Variants in PISD observed in about 807,000 individuals in gnomAD.
The protein encoded by PISD is phosphatidylserine decarboxylase, also known as phosphatidylserine decarboxylase proenzyme, mitochondrial.
PISD carries 31 observed loss-of-function variants against 43.5 expected under a neutral mutation model. The observed-to-expected ratio is 0.71, with a 90% CI of 0.54 to 0.96. The LOEUF is 0.96. Among genes scored for constraint, PISD ranks in the 40% least tolerant of loss-of-function variants. PISD has a pLI of 0.00. For synonymous variants in PISD, 259 were observed against 228.7 expected, an observed-to-expected ratio of 1.13 and a Z score of -1.20; for missense variants, 523 against 548.4, an observed-to-expected ratio of 0.95 and a Z score of 0.46.
chr22:31,636,008 A>G (rs976209277), intron 3 of PISD, among the ~76,000 whole-genome samples: 17 of 152,252 alleles, frequency 1.1e-4, no homozygotes, highest in Non-Finnish European at 2.5e-4. Context: ...GAGGGCATGA[A>G]TGGCCCTATT....
chr22:31,632,469 G>GA (rs1165600116), intron 3 of PISD, among the ~76,000 whole-genome samples: 1 of 152,000 alleles, frequency 6.6e-6, no homozygotes, highest in Non-Finnish European at 1.5e-5. Flanking sequence ...ACACTGATGA[G>GA]AAAAAAAATC....
At chr22:31,626,661 T>C (rs1477887602) in intron 3 of PISD, among the ~76,000 whole-genome samples, 22 of 152,170 alleles carry the variant, frequency 1.4e-4, no homozygotes, top group Admixed American at 1.4e-3. Flanking sequence ...CTCCCCTTTT[T>C]CCATCGTTGC....
At position 31,662,149 on chromosome 22, in the gene PISD, C is replaced by T; in HGVS notation, c.60G>A (p.Arg20=). ...LGLLHGVAPW[R]SSLHPCEITA... ...GTCTCTCCGCGCTGCTATACCTGCT[C>T]CGCCACGGCGCGACCCCGTGCAGTA... The change falls in exon 1 of 8, where the codon CGG becomes CGA. Residue 20 remains arginine, a synonymous_variant. Coordinates refer to ENST00000439502, the MANE Select transcript of PISD (RefSeq NM_001326411.2). The T allele has an allele frequency of 6.2e-7, 1 of 1,607,598 alleles. No individual in the cohort carries two copies. The highest frequency in any genetic ancestry group is 8.5e-7 in the Non-Finnish European group (1 of 1,179,744).
chr22:31,621,061 G>A lies in PISD; in HGVS notation c.779C>T (p.Pro260Leu). Residue 260 changes from proline to leucine, a missense_variant, in exon 6 of 8, where the codon CCT becomes CTT. Coordinates refer to ENST00000439502, the MANE Select transcript of PISD (RefSeq NM_001326411.2). The part of the protein sequence containing the change: ...ELYHCVIYLA[P>L]GDYHCFHSPT... ...GGAGTGGAAGCAGTGGTAGTCCCCA[G>A]GGGCCAGGTAGATGACACAGTGATA... 1 of 1,614,082 alleles carries A rather than the reference G, an allele frequency of 6.2e-7. No homozygotes were observed. Among genetic ancestry groups the A allele is most frequent in the East Asian group, 2.2e-5 (1 of 44,882 alleles).
chr22:31,644,242 C>CGT (rs2073819285), intron 3 of PISD, among the ~76,000 whole-genome samples: 1 of 139,170 alleles, frequency 7.2e-6, no homozygotes. Context: ...ATAATTTTTT[C>CGT]TTTTTTTTTT....
Position 31,646,809 on chromosome 22 carries a change from T to C in PISD, c.321+1292A>G, listed in dbSNP as rs540770049. ...AACAGAGGGCAGCATACTTTGAAAG[T>C]GTGACTCACCTACTACATAATTACC... On this transcript the variant is annotated intron_variant, in intron 3 of 7. Coordinates refer to ENST00000439502, the MANE Select transcript of PISD (RefSeq NM_001326411.2). 1.6e-3 allele frequency among the ~76,000 whole-genome samples: 251 copies of C among 152,328 alleles called. 12 individuals carry two copies. In the South Asian group the frequency reaches 0.049, roughly 30 times the overall value.
At chr22:31,641,545 G>A (rs954235554) in intron 3 of PISD, among the ~76,000 whole-genome samples, 4 of 152,158 alleles carry the variant, frequency 2.6e-5, no homozygotes, top group South Asian at 2.1e-4. Flanking sequence ...GGCCAGGTGC[G>A]GTGGCTCACA....
At chr22:31,643,219 CCT>C (rs982603393) in intron 3 of PISD, among the ~76,000 whole-genome samples, 20 of 152,096 alleles carry the variant, frequency 1.3e-4, no homozygotes, top group African/African-American at 4.8e-4. Flanking sequence ...CATCATGTCC[CCT>C]GTTTTCCAAC....
chr22:31,623,663 CAG>C, intron 3 of PISD: 1 of 1,605,484 alleles, frequency 6.2e-7, no homozygotes, highest in Non-Finnish European at 8.5e-7. Context: ...GTCCGAGCCA[CAG>C]GGGCCTGTGC....
chr22:31,619,240 C>T lies in PISD; in HGVS notation c.*372G>A, dbSNP rs562235098. The T allele has an allele frequency of 7.1e-5, 24 of 339,216 alleles. No individual in the cohort carries two copies. The highest frequency in any genetic ancestry group is 4.7e-4 in the South Asian group (20 of 42,784). 21.0% of individuals were successfully genotyped at this position (339,216 alleles called of 1,614,324 possible). On this transcript the variant is annotated 3_prime_UTR_variant, in exon 8 of 8. Transcript: ENST00000439502. ...CAAAAGGGGCCAACAGAAAACAGCT[C>T]AGGTGATGGGGGGAGGAGCAGCAAG...
chr22:31,639,006 TC>T (rs1004643221), intron 3 of PISD, among the ~76,000 whole-genome samples: 6 of 151,112 alleles, frequency 4.0e-5, no homozygotes, highest in African/African-American at 1.5e-4. Context: ...TTCCTTTTTT[TC>T]CCCCTGAGAC....
At chr22:31,647,022 C>T (rs907001639) in intron 3 of PISD, among the ~76,000 whole-genome samples, 2 of 151,900 alleles carry the variant, frequency 1.3e-5, no homozygotes, top group Non-Finnish European at 1.5e-5. Context: ...GACTAAGTCA[C>T]GGTTTTACAG....
chr22:31,625,823 C>CG (rs1569483115), intron 3 of PISD: 1 of 1,598,098 alleles, frequency 6.3e-7, no homozygotes, highest in East Asian at 2.3e-5. Context: ...CATGGGCCGG[C>CG]GCAGGGAGGG....
At chr22:31,624,864 C>T (rs971558838) in intron 3 of PISD, among the ~76,000 whole-genome samples, 5 of 152,162 alleles carry the variant, frequency 3.3e-5, no homozygotes, top group African/African-American at 1.2e-4. Context: ...TTCACCAGAG[C>T]CGCAGAGGCT....
rs2073175450 is a variant in PISD, at chr22:31,630,869, G to C, written c.322-8984C>G. On this transcript the variant is annotated intron_variant, in intron 3 of 7. Transcript: ENST00000439502. The surrounding 1 kb of genome is among the most constrained non-coding windows in gnomAD (Gnocchi z 4.4). Reference sequence around the variant, plus strand: ...GCGCTCCCGGAGCCGGGAAGCCTTGGGGCGAGTGGGCGGGGCTCGGGCTCC... The same window carrying C: ...GCGCTCCCGGAGCCGGGAAGCCTTGCGGCGAGTGGGCGGGGCTCGGGCTCC... 4 of 985,448 alleles carry C rather than the reference G, an allele frequency of 4.1e-6. No homozygotes were observed. The South Asian group carries it at 1.9e-4, about 46-fold the overall frequency. The allele number at this position is 985,448 out of a possible 1,614,324, so 61.0% of individuals were successfully genotyped here. A position where few individuals can be genotyped will look rare whatever the true frequency, so the allele number is the denominator to read the frequency against.
At chr22:31,640,880 G>GTTGTTT (rs1487978537) in intron 3 of PISD, among the ~76,000 whole-genome samples, 1 of 24,596 alleles carries the variant, frequency 4.1e-5, no homozygotes. Context: ...CACACCCGGT[G>GTTGTTT]TTTTTTTTTT....
At chr22:31,629,427 T>C (rs1371549204) in intron 3 of PISD, 1 of 151,390 alleles carries the variant, frequency 6.6e-6, no homozygotes, top group African/African-American at 2.5e-5. Context: ...TGTGAGGTTA[T>C]GTGCCTGGAG....
chr22:31,623,554 C>A, intron 3 of PISD: 1 of 958,558 alleles, frequency 1.0e-6, no homozygotes, highest in Non-Finnish European at 1.5e-6. Flanking sequence ...ACCTTCCGAC[C>A]CGGACCCCCT....
Position 31,619,488 on chromosome 22 carries a change from TG to T in PISD, c.*123del. The stretch of plus-strand genomic sequence containing the variant: ...GTAGCCGAATCATTCAAGTCCTACC[TG>T]GTCAGACTCCCAACCACGCTGAGGC... On this transcript the variant is annotated 3_prime_UTR_variant, in exon 8 of 8. Transcript: ENST00000439502. 1 of 744,020 alleles carries T rather than the reference TG, an allele frequency of 1.3e-6. No homozygotes were observed. Among genetic ancestry groups the T allele is most frequent in the Non-Finnish European group, 2.4e-6 (1 of 415,240 alleles). 46.1% of individuals were successfully genotyped at this position (744,020 alleles called of 1,614,324 possible).
Sources: gnomAD v4.1 joint callset for allele counts (sites outside exome capture counted in the v4.1 genomes callset) on GRCh38, gnomAD v4.1.1 for gene constraint, Gnocchi (gnomAD v3.1) non-coding constraint, MANE v1.5 for transcripts, NCBI Gene and HGNC (gene_info 2026-07-23, HGNC 2026-07-21) for gene names.